The following FBXL20 variants were observed in gnomAD, a reference collection of about 807,000 sequenced individuals.
FBXL20 encodes F-box/LRR-repeat protein 20.
FBXL20 carries 11 observed loss-of-function variants against 64.0 expected under a neutral mutation model. The ratio of observed to expected loss-of-function variants is 0.17; its 90% CI spans 0.11 to 0.28. The LOEUF is 0.28. Ranked by LOEUF, FBXL20 falls within the 10% of genes least tolerant of loss-of-function variation. FBXL20 has a pLI of 1.00. For missense variants in FBXL20, 303 were observed against 526.2 expected, an observed-to-expected ratio of 0.58 and a Z score of 4.15; for synonymous variants, 184 against 189.0, an observed-to-expected ratio of 0.97 and a Z score of 0.22.
chr17:39,347,430 C>T (rs546321974), intron 1 of FBXL20, among the ~76,000 whole-genome samples: 11 of 152,326 alleles, frequency 7.2e-5, no homozygotes, highest in African/African-American at 2.6e-4. Context: ...TTGCATTTCT[C>T]TGATGGCCAG....
At chr17:39,354,245 A>G (rs1269349229) in intron 1 of FBXL20, among the ~76,000 whole-genome samples, 1 of 152,240 alleles carries the variant, frequency 6.6e-6, no homozygotes, top group Admixed American at 6.5e-5. Flanking sequence ...GGGAAAACAA[A>G]TAAGATAGTA....
At chr17:39,341,038 G>C (rs146807229) in intron 2 of FBXL20, among the ~76,000 whole-genome samples, 1 of 149,152 alleles carries the variant, frequency 6.7e-6, no homozygotes, top group Non-Finnish European at 1.5e-5. Context: ...TTCATCATGG[G>C]GTTTAAACAA....
intron 12 of FBXL20, among the ~76,000 whole-genome samples, chr17:39,268,312 C>T (rs915536756): frequency 6.6e-6 from 1 of 152,070 alleles, no homozygotes; most frequent in African/African-American, 2.4e-5. Context: ...GAGATCTCGC[C>T]ACTGCACTCC....
At chr17:39,346,350 A>G (rs901524961) in intron 1 of FBXL20, among the ~76,000 whole-genome samples, 1 of 151,982 alleles carries the variant, frequency 6.6e-6, no homozygotes, top group Non-Finnish European at 1.5e-5. Flanking sequence ...CAAAAAAAAA[A>G]GATAATCATC....
chr17:39,275,134 T>C (rs1045873494), intron 9 of FBXL20, 34 bp from the exon 10 acceptor site: 11 of 1,581,268 alleles, frequency 7.0e-6, no homozygotes, highest in Non-Finnish European at 8.6e-6. Flanking sequence ...CCATAGATAT[T>C]AGTATCTTAG....
intron 2 of FBXL20, among the ~76,000 whole-genome samples, chr17:39,321,846 T>C (rs2047359862): frequency 6.6e-6 from 1 of 151,588 alleles, no homozygotes; most frequent in African/African-American, 2.4e-5. Context: ...AAGCGTACTA[T>C]GACTGAAACT....
At chr17:39,319,739 A>G (rs996481678) in intron 2 of FBXL20, among the ~76,000 whole-genome samples, 8 of 129,866 alleles carry the variant, frequency 6.2e-5, no homozygotes, top group African/African-American at 1.4e-4. Context: ...TGAAGGCCAG[A>G]AAAAAAAAAA....
Position 39,260,916 on chromosome 17 carries a change from G to T in FBXL20, c.*544C>A, listed in dbSNP as rs1220099592. 2 of 155,936 alleles carry T rather than the reference G, an allele frequency of 1.3e-5. No individual in the cohort carries two copies. The highest frequency in any genetic ancestry group is 2.9e-5 in the Non-Finnish European group (2 of 69,964). 9.7% of individuals were successfully genotyped at this position (155,936 alleles called of 1,614,324 possible). A position where few individuals can be genotyped will look rare whatever the true frequency, so the allele number is the denominator to read the frequency against. Reference sequence around the variant, plus strand: ...CAGGAGGAATGGACGAGCCTTCTTTGTGAGCATGCTCAGCATGTTGGCATG... The same window carrying T: ...CAGGAGGAATGGACGAGCCTTCTTTTTGAGCATGCTCAGCATGTTGGCATG... On this transcript the variant is annotated 3_prime_UTR_variant, in exon 15 of 15. Coordinates refer to ENST00000264658, the MANE Select transcript of FBXL20 (RefSeq NM_032875.3).
chr17:39,350,750 T>C (rs761839382), intron 1 of FBXL20, among the ~76,000 whole-genome samples: 17 of 152,132 alleles, frequency 1.1e-4, no homozygotes, highest in African/African-American at 7.2e-5. Flanking sequence ...ACCAGATTAG[T>C]GGTTAAGAAC....
At chr17:39,383,992 G>T (rs955624291) in intron 1 of FBXL20, among the ~76,000 whole-genome samples, 1 of 151,890 alleles carries the variant, frequency 6.6e-6, no homozygotes, top group African/African-American at 2.4e-5. Context: ...CTAGCATTTT[G>T]GGAGGCCAAG....
chr17:39,366,661 A>G (rs1335352014), intron 1 of FBXL20, among the ~76,000 whole-genome samples: 1 of 152,234 alleles, frequency 6.6e-6, no homozygotes, highest in Non-Finnish European at 1.5e-5. Context: ...CAATAAAATT[A>G]TAAGATGAAA....
intron 1 of FBXL20, among the ~76,000 whole-genome samples, chr17:39,373,982 G>A (rs188959451): frequency 1.4e-4 from 21 of 152,270 alleles, no homozygotes; most frequent in Non-Finnish European, 2.2e-4. Flanking sequence ...AGCACTTTGG[G>A]AGGCCGAGGA....
At chr17:39,367,911 G>A (rs939371050) in intron 1 of FBXL20, among the ~76,000 whole-genome samples, 9 of 150,920 alleles carry the variant, frequency 6.0e-5, no homozygotes, top group Non-Finnish European at 4.4e-5. Context: ...CTACAGGCAC[G>A]CCCCACCACA....
chr17:39,336,932 AAATAATAAACG>A (rs1320018281), intron 2 of FBXL20, among the ~76,000 whole-genome samples: 1 of 151,038 alleles, frequency 6.6e-6, no homozygotes, highest in Non-Finnish European at 1.5e-5. Context: ...TGGATGTTAA[AAATAATAAACG>A]ACCTCTCCCT....
chr17:39,297,356 G>A (rs1026232568), intron 5 of FBXL20, 161 bp from the exon 6 acceptor site: 2 of 438,994 alleles, frequency 4.6e-6, no homozygotes, highest in Non-Finnish European at 8.1e-6. Context: ...TTCGGTTCTT[G>A]GCATACCATC....
chr17:39,382,625 G>A (rs2048036031), intron 1 of FBXL20, among the ~76,000 whole-genome samples: 1 of 152,030 alleles, frequency 6.6e-6, no homozygotes, highest in Admixed American at 6.6e-5. Context: ...TTGAGGCCAG[G>A]AGTTTTAGAC....
At chr17:39,297,265 A>T in intron 5 of FBXL20, 70 bp from the exon 6 acceptor site, 1 of 867,082 alleles carries the variant, frequency 1.2e-6, no homozygotes, top group Non-Finnish European at 1.9e-6. Flanking sequence ...AAAGTAATAA[A>T]ATATATTATT....
Position 39,260,613 on chromosome 17 carries a change from A to C in FBXL20, c.*847T>G, listed in dbSNP as rs1317304861. The C allele has an allele frequency of 6.6e-6, 1 of 152,398 alleles. No individual in the cohort carries two copies. Among genetic ancestry groups the C allele is most frequent in the East Asian group, 1.9e-4 (1 of 5,200 alleles). 9.4% of individuals were successfully genotyped at this position (152,398 alleles called of 1,614,324 possible). A position where few individuals can be genotyped will look rare whatever the true frequency, so the allele number is the denominator to read the frequency against. ...AAAATTTAGAATTAAAAAAATATTT[A>C]TTGATAATATCTTTTTAAAAAATGT... On this transcript the variant is annotated 3_prime_UTR_variant, in exon 15 of 15. Coordinates refer to ENST00000264658, the MANE Select transcript of FBXL20 (RefSeq NM_032875.3).
At chr17:39,337,996 G>A (rs1032903004) in intron 2 of FBXL20, among the ~76,000 whole-genome samples, 7 of 152,112 alleles carry the variant, frequency 4.6e-5, no homozygotes, top group Non-Finnish European at 1.0e-4. Flanking sequence ...ACTGGGAAGT[G>A]AGGAGCCCCT....
Sources: allele counts gnomAD v4.1 joint callset (sites outside exome capture counted in the v4.1 genomes callset), GRCh38; gene constraint gnomAD v4.1.1; transcripts MANE v1.5; gene names NCBI Gene and HGNC (gene_info 2026-07-23, HGNC 2026-07-21).